The following WHRN variants were observed in gnomAD, a reference collection of about 807,000 sequenced individuals.
WHRN encodes whirlin.
WHRN carries 41 observed loss-of-function variants against 68.3 expected under a neutral mutation model. The observed-to-expected ratio is 0.60, with a 90% CI of 0.47 to 0.78. The LOEUF (loss-of-function observed/expected upper bound fraction) is 0.78. Among genes scored for constraint, WHRN ranks in the 30% least tolerant of loss-of-function variants. The probability of loss-of-function intolerance (pLI) is 0.00; values close to 1 mark genes in which losing one functional copy is unlikely to be tolerated. For synonymous variants in WHRN, 560 were observed against 561.3 expected (o/e 1.00, Z 0.03); for missense variants, 1,243 against 1,244.7 (o/e 1.00, Z 0.02).
intron 3 of WHRN, among the ~76,000 whole-genome samples, chr9:114,459,469 A>AT (rs397767439): frequency 6.6e-6 from 1 of 151,310 alleles, no homozygotes; most frequent in Non-Finnish European, 1.5e-5. Flanking sequence ...TCTAAAAAAA[A>AT]CAGAGTTCCT....
chr9:114,416,971 T>G (rs981202301), intron 7 of WHRN, among the ~76,000 whole-genome samples: 4 of 152,200 alleles, frequency 2.6e-5, no homozygotes, highest in African/African-American at 9.7e-5. Flanking sequence ...TCTGTGCAAT[T>G]AAGCCCCTCT....
chr9:114,504,766 C>T lies in WHRN; in HGVS notation c.36G>A (p.Ser12=). 1 of 1,499,224 alleles carries T rather than the reference C, an allele frequency of 6.7e-7. No homozygotes were observed. Among genetic ancestry groups the T allele is most frequent in the Admixed American group, 2.2e-5 (1 of 44,590 alleles). The allele number at this position is 1,499,224 out of a possible 1,614,324, so 92.9% of individuals were successfully genotyped here. A position where few individuals can be genotyped will look rare whatever the true frequency, so the allele number is the denominator to read the frequency against. The change falls in exon 1 of 12, where the codon TCG becomes TCA. Residue 12 remains serine (S), a synonymous_variant. Transcript: ENST00000362057. Reference sequence around the variant, plus strand: ...CCGAGCCCAGCGAGCCGGTGGAGGACGAGCTCACCGACAGGCCGTCCAGCG... The same window carrying T: ...CCGAGCCCAGCGAGCCGGTGGAGGATGAGCTCACCGACAGGCCGTCCAGCG... ...NAPLDGLSVS[S]SSTGSLGSAA...
intron 2 of WHRN, among the ~76,000 whole-genome samples, chr9:114,467,913 G>A (rs559315080): frequency 6.6e-6 from 1 of 152,282 alleles, no homozygotes; most frequent in East Asian, 1.9e-4. Flanking sequence ...TCAGGCACCA[G>A]GAAAGACACA....
intron 1 of WHRN, among the ~76,000 whole-genome samples, chr9:114,480,481 A>AAG (rs57662659): frequency 6.6e-6 from 1 of 151,214 alleles, no homozygotes; most frequent in Admixed American, 6.6e-5. Flanking sequence ...GCTTTGTAGG[A>AAG]AGAGAGAGTT....
chr9:114,488,317 C>T (rs548489536), intron 1 of WHRN, among the ~76,000 whole-genome samples: 2 of 152,258 alleles, frequency 1.3e-5, no homozygotes, highest in South Asian at 4.1e-4. Context: ...TAGTGGGTAG[C>T]ATTAGTAACA....
At position 114,402,625 on chromosome 9, in the gene WHRN, G is replaced by C; in HGVS notation, c.*129C>G. 1 of 1,166,312 alleles carries C rather than the reference G, an allele frequency of 8.6e-7. No homozygotes were observed. Among genetic ancestry groups the C allele is most frequent in the Non-Finnish European group, 1.3e-6 (1 of 787,456 alleles). 72.2% of individuals were successfully genotyped at this position (1,166,312 alleles called of 1,614,324 possible). On this transcript the variant is annotated 3_prime_UTR_variant, in exon 12 of 12. Coordinates refer to ENST00000362057, the MANE Select transcript of WHRN (RefSeq NM_015404.4). ...AGTTCTGGTCCAGTGGGCTGGGATG[G>C]AGGGGGGATGTCTTCCTGCCACCCT...
chr9:114,474,862 C>T (rs1841519521), intron 2 of WHRN, among the ~76,000 whole-genome samples: 1 of 152,124 alleles, frequency 6.6e-6, no homozygotes, highest in Non-Finnish European at 1.5e-5. Context: ...CTGGACACCG[C>T]CACGTCCCTG....
intron 2 of WHRN, among the ~76,000 whole-genome samples, chr9:114,477,078 T>G (rs1394079920): frequency 2.6e-5 from 4 of 152,114 alleles, no homozygotes; most frequent in African/African-American, 9.7e-5. Flanking sequence ...CTGGCAACCT[T>G]GACGCGGCCC....
intron 3 of WHRN, among the ~76,000 whole-genome samples, chr9:114,465,189 T>C (rs1462520525): frequency 6.6e-6 from 1 of 152,192 alleles, no homozygotes; most frequent in Non-Finnish European, 1.5e-5. Flanking sequence ...ACGTATCGTC[T>C]CTGTACTCCA....
At chr9:114,492,854 A>C (rs138947690) in intron 1 of WHRN, among the ~76,000 whole-genome samples, 62 of 152,084 alleles carry the variant, frequency 4.1e-4, no homozygotes, top group Middle Eastern at 3.4e-3. Context: ...ACACACACAA[A>C]TATATATACA....
chr9:114,406,254 A>T (rs1339386929), intron 9 of WHRN, 101 bp downstream of exon 9: 2 of 1,547,400 alleles, frequency 1.3e-6, no homozygotes, highest in East Asian at 4.5e-5. Context: ...GAGCCCCCTC[A>T]ACAAGTAGCT....
chr9:114,411,889 G>A (rs1350947564), intron 7 of WHRN, among the ~76,000 whole-genome samples: 3 of 152,168 alleles, frequency 2.0e-5, no homozygotes, highest in Non-Finnish European at 4.4e-5. Flanking sequence ...CCCAACCCCA[G>A]AAATGAACAG....
chr9:114,492,159 C>T (rs1843036749), intron 1 of WHRN, among the ~76,000 whole-genome samples: 1 of 152,056 alleles, frequency 6.6e-6, no homozygotes. Context: ...AGAGCATCAA[C>T]TGCTGTTAAA....
chr9:114,494,620 C>T lies in WHRN; in HGVS notation c.618+9564G>A, dbSNP rs545985870. 2.0e-4 allele frequency among the ~76,000 whole-genome samples: 30 copies of T among 152,262 alleles called. No homozygotes were observed. The South Asian group carries it at 5.6e-3, about 28-fold the overall frequency. ...CTTCTCTCTGCTGTTGGGGCAAAGA[C>T]GCAACCCCTCAAGTCAACAAAACCT... On this transcript the variant is annotated intron_variant, in intron 1 of 11. Transcript: ENST00000362057.
intron 3 of WHRN, among the ~76,000 whole-genome samples, chr9:114,429,044 C>T (rs1459407860): frequency 1.3e-5 from 2 of 152,126 alleles, no homozygotes. Flanking sequence ...AATTCTCATG[C>T]CTCAGCTTCC....
rs41297173 is a variant in WHRN, at chr9:114,504,508, G to A, written c.294C>T (p.Ile98=). 4 of 1,609,576 alleles carry A rather than the reference G, an allele frequency of 2.5e-6. No homozygotes were observed. The highest frequency in any genetic ancestry group is 3.4e-6 in the Non-Finnish European group (4 of 1,179,810). Residue 98 remains isoleucine (I), a synonymous_variant, in exon 1 of 12, where the codon ATC becomes ATT. Coordinates refer to ENST00000362057, the MANE Select transcript of WHRN (RefSeq NM_015404.4). ...RRLLPMLRLV[I]PRSDQLLFDQ... ...CGAAGAGCAGCTGGTCGGAGCGCGG[G>A]ATGACCAGACGAAGCATGGGCAGCA...
rs1844250248 is a variant in WHRN at position 114,504,672 on chromosome 9, G to C, written c.130C>G (p.Gln44Glu). 2 of 1,601,812 alleles carry C rather than the reference G, an allele frequency of 1.2e-6. No individual in the cohort carries two copies. Among genetic ancestry groups the C allele is most frequent in the Non-Finnish European group, 1.7e-6 (2 of 1,176,910 alleles). The stretch of plus-strand genomic sequence containing the variant: ...TCGCTCAGCAGCGCGGTCAGCGCTT[G>C]GTGCAGCTGGCGCACGTTGGCAGAC... ...LLSANVRQLH[Q>E]ALTALLSEAE... The change falls in exon 1 of 12, where the codon CAA (glutamine) becomes GAA (glutamate). Residue 44 changes from glutamine to glutamate, a missense_variant. Physicochemically the swap from Gln to Glu is conservative, Grantham distance 29. Transcript: ENST00000362057.
chr9:114,487,132 A>T (rs892557290), intron 1 of WHRN, among the ~76,000 whole-genome samples: 1 of 149,102 alleles, frequency 6.7e-6, no homozygotes, highest in African/African-American at 2.5e-5. Context: ...TAAATTAGTC[A>T]ATATATATAT....
intron 3 of WHRN, among the ~76,000 whole-genome samples, chr9:114,453,135 G>C (rs57625977): frequency 6.6e-6 from 1 of 152,360 alleles, no homozygotes; most frequent in Non-Finnish European, 1.5e-5. Flanking sequence ...CCTGCAGGCT[G>C]TACAAACAGC....
Sources: allele counts gnomAD v4.1 joint callset (sites outside exome capture counted in the v4.1 genomes callset), GRCh38; gene constraint gnomAD v4.1.1; transcripts MANE v1.5; gene names NCBI Gene and HGNC (gene_info 2026-07-23, HGNC 2026-07-21).